CACNA2D3: variants seen among roughly 807,000 people sequenced by gnomAD.
The protein encoded by CACNA2D3 is voltage-dependent calcium channel subunit alpha-2/delta-3.
A neutral mutation model predicts 160.6 loss-of-function variants in CACNA2D3; 60 were observed. The ratio of observed to expected loss-of-function variants is 0.37; its 90% confidence interval spans 0.30 to 0.46. The LOEUF (loss-of-function observed/expected upper bound fraction) is 0.46. Ranked by LOEUF, CACNA2D3 falls within the 20% of genes least tolerant of loss-of-function variation. CACNA2D3 has a pLI of 1.00. For synonymous variants in CACNA2D3, 558 were observed against 492.9 expected (o/e 1.13, Z -1.75); for missense variants, 1,205 against 1,365.0 (o/e 0.88, Z 1.85).
chr3:54,215,905 C>A (rs1348029162), intron 2 of CACNA2D3, among the ~76,000 whole-genome samples: 1 of 150,270 alleles, frequency 6.7e-6, no homozygotes, highest in Non-Finnish European at 1.5e-5. Flanking sequence ...CTTGTGACTT[C>A]AAATATCCTT....
intron 31 of CACNA2D3, among the ~76,000 whole-genome samples, chr3:54,990,395 G>A (rs553116513): frequency 6.6e-6 from 1 of 152,312 alleles, no homozygotes; most frequent in South Asian, 2.1e-4. Flanking sequence ...GCTGGGCATG[G>A]TGGTGTGTGC....
chr3:54,892,112 TAGGTAGA>T (rs575172187), intron 25 of CACNA2D3, among the ~76,000 whole-genome samples: 162 of 152,324 alleles, frequency 1.1e-3, no homozygotes, highest in African/African-American at 3.7e-3. Context: ...CCAGGGCTAG[TAGGTAGA>T]CTGTGAAGTC....
chr3:54,463,684 C>G (rs969717835), intron 4 of CACNA2D3, among the ~76,000 whole-genome samples: 2 of 152,142 alleles, frequency 1.3e-5, no homozygotes, highest in South Asian at 2.1e-4. Context: ...AGTTTTTAAT[C>G]AAAGTTTTTA....
intron 35 of CACNA2D3, among the ~76,000 whole-genome samples, chr3:55,024,152 G>A (rs1703516486): frequency 7.0e-6 from 1 of 143,552 alleles, no homozygotes; most frequent in African/African-American, 2.6e-5. Flanking sequence ...GGTTCAGAAT[G>A]TGAGTTCTGA....
chr3:54,627,086 C>G (rs1699135828), intron 9 of CACNA2D3, among the ~76,000 whole-genome samples: 1 of 152,194 alleles, frequency 6.6e-6, no homozygotes, highest in Non-Finnish European at 1.5e-5. Flanking sequence ...TGTTGTGATC[C>G]AGTCTTTATC....
chr3:54,869,265 A>G lies in CACNA2D3; in HGVS notation c.1627-2274A>G, dbSNP rs553132071. Among the ~76,000 whole-genome samples, 9 of 152,334 alleles carry G rather than the reference A, an allele frequency of 5.9e-5. No individual in the cohort carries two copies. The South Asian group carries it at 8.3e-4, about 14-fold the overall frequency. ...TTGGGTGGGGTGTCCTCTACCATAC[A>G]AGCTATGCGATCTTATTTAACTTGT... On this transcript the variant is annotated intron_variant, in intron 17 of 37. Coordinates refer to ENST00000474759, the MANE Select transcript of CACNA2D3 (RefSeq NM_018398.3).
chr3:54,376,813 C>T (rs970073974), intron 3 of CACNA2D3, among the ~76,000 whole-genome samples: 2 of 152,148 alleles, frequency 1.3e-5, no homozygotes, highest in African/African-American at 4.8e-5. Flanking sequence ...GTTGTTGGAC[C>T]TCGGGGCTGT....
At chr3:54,361,109 T>C (rs1375082717) in intron 3 of CACNA2D3, among the ~76,000 whole-genome samples, 8 of 152,088 alleles carry the variant, frequency 5.3e-5, no homozygotes, top group Non-Finnish European at 1.2e-4. Context: ...GTAATGTTTC[T>C]TAGCTGTGAA....
rs9879354 is a variant in CACNA2D3 at position 54,123,348 on chromosome 3, G to T, written c.123-165G>T. 3,352 of 617,568 alleles carry T rather than the reference G, an allele frequency of 5.4e-3. 102 individuals are homozygous for T. The African/African-American group carries it at 0.057, about 10-fold the overall frequency. 38.3% of individuals were successfully genotyped at this position (617,568 alleles called of 1,614,324 possible). A position where few individuals can be genotyped will look rare whatever the true frequency, so the allele number is the denominator to read the frequency against. ...TCCCGCGCTGCGCTTTGCAGTTTTGGTGCTGGCAGTTTCTACCAAGCCGCT... is the reference window on the plus strand; with the variant it reads ...TCCCGCGCTGCGCTTTGCAGTTTTGTTGCTGGCAGTTTCTACCAAGCCGCT... On this transcript the variant is annotated intron_variant, in intron 1 of 37. Coordinates refer to ENST00000474759, the MANE Select transcript of CACNA2D3 (RefSeq NM_018398.3).
At chr3:54,680,850 G>C (rs753510575) in intron 11 of CACNA2D3, among the ~76,000 whole-genome samples, 3 of 152,160 alleles carry the variant, frequency 2.0e-5, no homozygotes, top group Non-Finnish European at 4.4e-5. Context: ...AAGTGAAAGA[G>C]CCCTTCCTCT....
intron 14 of CACNA2D3, among the ~76,000 whole-genome samples, chr3:54,829,394 A>C (rs1369504165): frequency 6.6e-6 from 1 of 152,068 alleles, no homozygotes; most frequent in Non-Finnish European, 1.5e-5. Flanking sequence ...GGGTGGTGCA[A>C]GTAGTTGGCC....
At chr3:54,154,166 T>G (rs186428240) in intron 2 of CACNA2D3, among the ~76,000 whole-genome samples, 1 of 152,346 alleles carries the variant, frequency 6.6e-6, no homozygotes, top group Non-Finnish European at 1.5e-5. Context: ...ACTTATTTTC[T>G]TTCATTCAAA....
intron 35 of CACNA2D3, among the ~76,000 whole-genome samples, chr3:55,072,569 T>G (rs958675954): frequency 6.6e-6 from 1 of 152,218 alleles, no homozygotes; most frequent in Non-Finnish European, 1.5e-5. Context: ...TAAGTTAAAA[T>G]CTATTAAACT....
intron 11 of CACNA2D3, among the ~76,000 whole-genome samples, chr3:54,748,231 C>T (rs1383412298): frequency 6.6e-6 from 1 of 152,126 alleles, no homozygotes; most frequent in Non-Finnish European, 1.5e-5. Flanking sequence ...CACTTCCTTC[C>T]CCTAATTTTA....
At chr3:54,720,600 T>C (rs1701150784) in intron 11 of CACNA2D3, among the ~76,000 whole-genome samples, 1 of 152,098 alleles carries the variant, frequency 6.6e-6, no homozygotes, top group Non-Finnish European at 1.5e-5. Flanking sequence ...TCCATATATG[T>C]CAATGTGATC....
intron 27 of CACNA2D3, among the ~76,000 whole-genome samples, chr3:54,944,814 G>GTGT (rs1553925008): frequency 0.018 from 2,027 of 111,402 alleles, 41 homozygotes; most frequent in African/African-American, 0.081. Context: ...TAGAGCTGGG[G>GTGT]GTGTGTGTGT....
chr3:54,626,780 G>C (rs1699125334), intron 9 of CACNA2D3: 1 of 622,778 alleles, frequency 1.6e-6, no homozygotes, highest in African/African-American at 1.8e-5. Flanking sequence ...CACCATGGGT[G>C]TGGGCTTTTG....
intron 11 of CACNA2D3, among the ~76,000 whole-genome samples, chr3:54,646,180 CTCCCTCCTTCCTTGCTTCCT>C (rs1349878985): frequency 0.17 from 5,064 of 29,934 alleles, 1,043 homozygotes; most frequent in Middle Eastern, 0.26. Flanking sequence ...CCCTCCCTCC[CTCCCTCCTTCCTTGCTTCCT>C]TCCTTCCTTC....
intron 9 of CACNA2D3, among the ~76,000 whole-genome samples, chr3:54,614,417 C>A (rs1199463841): frequency 2.6e-5 from 4 of 152,178 alleles, no homozygotes; most frequent in African/African-American, 9.7e-5. Context: ...GGAGTAAATT[C>A]CAGGCCAGGG....
Sources: allele counts gnomAD v4.1 joint callset (sites outside exome capture counted in the v4.1 genomes callset), GRCh38; gene constraint gnomAD v4.1.1; transcripts MANE v1.5; gene names NCBI Gene and HGNC (gene_info 2026-07-23, HGNC 2026-07-21).